Variants in ANAPC5 observed in about 807,000 individuals in gnomAD.
ANAPC5 encodes anaphase promoting complex subunit 5.
A neutral mutation model predicts 91.3 loss-of-function variants in ANAPC5; 60 were observed. The observed-to-expected ratio is 0.66, with a 90% CI of 0.53 to 0.81. ANAPC5 has a LOEUF of 0.81. Ranked by LOEUF, ANAPC5 falls within the 40% of genes least tolerant of loss-of-function variation. The probability of loss-of-function intolerance (pLI) is 0.00; values close to 1 mark genes in which losing one functional copy is unlikely to be tolerated. For missense variants in ANAPC5, 690 were observed against 931.5 expected, an observed-to-expected ratio of 0.74 and a Z score of 3.37; for synonymous variants, 340 against 364.1, an observed-to-expected ratio of 0.93 and a Z score of 0.75.
Position 121,308,639 on chromosome 12 carries a change from C to T in ANAPC5, c.2109G>A (p.Lys703=), listed in dbSNP as rs373195408. 2 of 1,614,028 alleles carry T rather than the reference C, an allele frequency of 1.2e-6. No homozygotes were observed. Among genetic ancestry groups the T allele is most frequent in the Admixed American group, 1.7e-5 (1 of 59,986 alleles). ...NLNEAKNYFA[K]VDCKERIRDV... ...CCCTGATGCGCTCTTTGCAGTCAAC[C>T]TTTGCAAAATAGTTCTTGGCTTCAT... is the stretch of plus-strand genomic sequence containing the variant. The change falls in exon 17 of 17, where the codon AAG becomes AAA. Residue 703 remains lysine, a synonymous_variant. Transcript: ENST00000261819.
At chr12:121,319,114 A>AC (rs1566181958) in intron 13 of ANAPC5, among the ~76,000 whole-genome samples, 1,426 of 114,634 alleles carry the variant, frequency 0.012, 18 homozygotes, top group South Asian at 0.048. Context: ...TGTATACACA[A>AC]ACACACACAC....
At chr12:121,314,736 G>C (rs1902288368) in intron 15 of ANAPC5, among the ~76,000 whole-genome samples, 1 of 151,666 alleles carries the variant, frequency 6.6e-6, no homozygotes, top group Non-Finnish European at 1.5e-5. Context: ...GTGATTCTCA[G>C]TCCTCAGCCT....
chr12:121,331,306 A>G, intron 8 of ANAPC5, 41 bp downstream of exon 8: 1 of 1,541,974 alleles, frequency 6.5e-7, no homozygotes. Context: ...AGGCCAATTC[A>G]ACCCGTGAAC....
chr12:121,315,564 C>T (rs1902322739), intron 15 of ANAPC5, among the ~76,000 whole-genome samples: 1 of 152,186 alleles, frequency 6.6e-6, no homozygotes, highest in Non-Finnish European at 1.5e-5. Context: ...CAAAGTAGTA[C>T]TGGCATAAGG....
At chr12:121,318,803 A>G (rs929873196) in intron 13 of ANAPC5, among the ~76,000 whole-genome samples, 195 bp from the exon 14 acceptor site, 1 of 152,004 alleles carries the variant, frequency 6.6e-6, no homozygotes, top group Non-Finnish European at 1.5e-5. Flanking sequence ...GGCGAATCAC[A>G]AGGTTAGGAG....
chr12:121,316,390 A>T (rs1488596972), intron 15 of ANAPC5, among the ~76,000 whole-genome samples: 1 of 152,190 alleles, frequency 6.6e-6, no homozygotes. Context: ...AAGAAGTTAA[A>T]CACAAAATTA....
At chr12:121,351,664 G>A (rs1903897707) in intron 1 of ANAPC5, among the ~76,000 whole-genome samples, 1 of 151,902 alleles carries the variant, frequency 6.6e-6, no homozygotes, top group South Asian at 2.1e-4. Context: ...TCACTACGTT[G>A]GTCAGGCTGG....
intron 4 of ANAPC5, among the ~76,000 whole-genome samples, chr12:121,345,259 T>C (rs1368160267): frequency 6.6e-6 from 1 of 152,190 alleles, no homozygotes; most frequent in Non-Finnish European, 1.5e-5. Context: ...TTAGAAGGCA[T>C]TCAATAAATT....
intron 15 of ANAPC5, among the ~76,000 whole-genome samples, chr12:121,317,448 T>G (rs1261021648): frequency 1.3e-5 from 2 of 151,882 alleles, no homozygotes; most frequent in African/African-American, 2.4e-5. Flanking sequence ...GAGATGGGGT[T>G]TCACCATGCT....
At chr12:121,328,241 C>A in intron 10 of ANAPC5, 75 bp downstream of exon 10, 2 of 1,376,178 alleles carry the variant, frequency 1.5e-6, no homozygotes, top group Non-Finnish European at 2.0e-6. Context: ...GTATGTATGG[C>A]CTTTCACAGA....
intron 6 of ANAPC5, among the ~76,000 whole-genome samples, chr12:121,336,403 C>T (rs1302929124): frequency 2.0e-5 from 3 of 152,084 alleles, no homozygotes; most frequent in Non-Finnish European, 2.9e-5. Context: ...TTAGGCTGGG[C>T]GTGATGGCTC....
chr12:121,319,141 ACG>A (rs1491108493), intron 13 of ANAPC5, among the ~76,000 whole-genome samples: 4 of 151,346 alleles, frequency 2.6e-5, no homozygotes, highest in African/African-American at 9.7e-5. Context: ...ACACACACAC[ACG>A]CATGCAGGAA....
Position 121,331,029 on chromosome 12 carries a change from C to T in ANAPC5, c.1032+318G>A, listed in dbSNP as rs1007354105. 8 of 392,226 alleles carry T rather than the reference C, an allele frequency of 2.0e-5. No homozygotes were observed. The South Asian group carries it at 2.2e-4, about 11-fold the overall frequency. The allele number at this position is 392,226 out of a possible 1,614,324, so 24.3% of individuals were successfully genotyped here. A position where few individuals can be genotyped will look rare whatever the true frequency, so the allele number is the denominator to read the frequency against. ...TGGTGATTTTGCTATTACAGGACAA[C>T]ATCTCACCCAGTTACTAAGTGTAGT... On this transcript the variant is annotated intron_variant, in intron 8 of 16. Transcript: ENST00000261819.
chr12:121,322,058 G>A (rs1224559769), intron 11 of ANAPC5, among the ~76,000 whole-genome samples: 1 of 151,718 alleles, frequency 6.6e-6, no homozygotes, highest in Non-Finnish European at 1.5e-5. Context: ...GAGAGACAGG[G>A]TTTCACCATG....
upstream of ANAPC5, among the ~76,000 whole-genome samples, chr12:121,353,527 A>G (rs1214744602): frequency 6.6e-6 from 1 of 151,036 alleles, no homozygotes; most frequent in East Asian, 2.0e-4. Flanking sequence ...TGCAAGCTCT[A>G]CCTCCCTGGT....
chr12:121,337,518 C>T, intron 5 of ANAPC5, 126 bp from the exon 6 acceptor site: 1 of 662,044 alleles, frequency 1.5e-6, no homozygotes, highest in Non-Finnish European at 2.5e-6. Flanking sequence ...GGCCCCTCAT[C>T]TCGCCAGCCT....
At position 121,318,365 on chromosome 12, in the gene ANAPC5, G is replaced by A; in HGVS notation, c.1805C>T (p.Pro602Leu). 2.5e-6 allele frequency: 4 copies of A among 1,612,282 alleles called. No individual in the cohort carries two copies. Among genetic ancestry groups the A allele is most frequent in the Non-Finnish European group, 3.4e-6 (4 of 1,179,150 alleles). Reference protein sequence around the residue: ...WRSSSPTIALPMLLQALALSK... With the variant: ...WRSSSPTIALLMLLQALALSK... ...GAGGGCCAGAGCCTGCAGGAGCATG[G>A]GCAGCGCGATGGTAGGGGAGGAAGA... Residue 602 changes from proline (P) to leucine (L), a missense_variant, in exon 15 of 17, where the codon CCC becomes CTC. By Grantham distance (98) the Pro-to-Leu change is moderately conservative. Transcript: ENST00000261819.
chr12:121,319,658 T>C (rs199640158), intron 13 of ANAPC5, 39 bp downstream of exon 13: 6 of 1,568,872 alleles, frequency 3.8e-6, no homozygotes, highest in East Asian at 2.3e-5. Context: ...CATTTAACAA[T>C]TATTTTATTC....
In ANAPC5 at chr12:121,347,881, C is replaced by T. The variant is rs781940294; in HGVS notation, c.208G>A (p.Gly70Ser). The change falls in exon 2 of 17, where the codon GGC (glycine) becomes AGC (serine). Residue 70 changes from glycine to serine, a missense_variant and splice_region_variant. Transcript: ENST00000261819. Reference protein sequence around the residue: ...LNQLLLPLLQGPDITLSKLYK... With the variant: ...LNQLLLPLLQSPDITLSKLYK... ...AGTTTTGACAGTGTAATATCTGGGC[C>T]CTGTGTAAAGGAGAGATAGGGAGGT... is the stretch of plus-strand genomic sequence containing the variant. 4.3e-6 allele frequency: 7 copies of T among 1,609,540 alleles called. No homozygotes were observed.
Sources: gnomAD v4.1 joint callset for allele counts (sites outside exome capture counted in the v4.1 genomes callset) on GRCh38, gnomAD v4.1.1 for gene constraint, MANE v1.5 for transcripts, NCBI Gene and HGNC (gene_info 2026-07-23, HGNC 2026-07-21) for gene names.